The following OR11H4 variants were observed in gnomAD, a reference collection of about 807,000 sequenced individuals.
OR11H4 encodes olfactory receptor 11H4.
For missense variants in OR11H4, 460 were observed against 371.1 expected (o/e 1.24, Z -1.97); for synonymous variants, 162 against 142.3 (o/e 1.14, Z -0.98).
At chr14:20,242,567 C>CT (rs1266338791) in intron 1 of OR11H4, among the ~76,000 whole-genome samples, 1 of 150,654 alleles carries the variant, frequency 6.6e-6, no homozygotes, top group African/African-American at 2.5e-5. Context: ...TCTGATCTCT[C>CT]TTTTCCCTAC....
intron 1 of OR11H4, among the ~76,000 whole-genome samples, chr14:20,241,774 AGTAG>A (rs1394481486): frequency 1.3e-5 from 2 of 152,162 alleles, no homozygotes; most frequent in Non-Finnish European, 2.9e-5. Context: ...AAAGGAATGT[AGTAG>A]GAGAGCACGG....
intron 1 of OR11H4, among the ~76,000 whole-genome samples, chr14:20,242,575 T>C (rs956784627): frequency 2.0e-5 from 3 of 152,188 alleles, no homozygotes; most frequent in Non-Finnish European, 4.4e-5. Context: ...CTCTTTTCCC[T>C]ACAGTGTCAA....
chr14:20,243,558 T>C lies in OR11H4; in HGVS notation c.737T>C (p.Val246Ala), dbSNP rs765513225. The C allele has an allele frequency of 3.1e-6, 5 of 1,613,458 alleles. No homozygotes were observed. The South Asian group carries it at 5.5e-5, about 18-fold the overall frequency. ...TTCTCTACCTGTGGTTCTCATTTGG[T>C]TGTGGTATCTCTTTTCTATGGGACA... ...KAFSTCGSHLVVVSLFYGTVM... is the reference protein window; with the variant it reads ...KAFSTCGSHLAVVSLFYGTVM... The change falls in exon 2 of 2, where the codon GTT (valine) becomes GCT (alanine). Residue 246 changes from valine to alanine, a missense_variant. Val to Ala is a moderately conservative substitution (Grantham distance 64). Transcript: ENST00000641082.
Position 20,243,404 on chromosome 14 carries a change from A to G in OR11H4, c.583A>G (p.Thr195Ala). ...MALSCAPAPITECIFYTQSSL... is the reference protein window; with the variant it reads ...MALSCAPAPIAECIFYTQSSL... Reference sequence around the variant, plus strand: ...TCTATCCTGTGCCCCAGCTCCCATAACTGAATGTATTTTCTATACTCAGAG... The same window carrying G: ...TCTATCCTGTGCCCCAGCTCCCATAGCTGAATGTATTTTCTATACTCAGAG... The change falls in exon 2 of 2, where the codon ACT (threonine) becomes GCT (alanine). Residue 195 changes from threonine (T) to alanine (A), a missense_variant. Thr to Ala is a moderately conservative substitution (Grantham distance 58). Coordinates refer to ENST00000641082, the MANE Select transcript of OR11H4 (RefSeq NM_001004479.2). The G allele has an allele frequency of 1.2e-6, 2 of 1,613,904 alleles. No individual in the cohort carries two copies. The highest frequency in any genetic ancestry group is 2.2e-5 in the South Asian group (2 of 91,058).
chr14:20,243,599 G>A lies in OR11H4; in HGVS notation c.778G>A (p.Val260Ile). Residue 260 changes from valine (V) to isoleucine (I), a missense_variant, in exon 2 of 2, where the codon GTA (valine) becomes ATA (isoleucine). Physicochemically the swap from Val to Ile is conservative, Grantham distance 29. Coordinates refer to ENST00000641082, the MANE Select transcript of OR11H4 (RefSeq NM_001004479.2). ...LFYGTVMVMY[V>I]SPTYGIPTLL... ...CTATGGGACAGTCATGGTAATGTAT[G>A]TAAGTCCTACATATGGGATCCCAAC... 1 of 1,613,950 alleles carries A rather than the reference G, an allele frequency of 6.2e-7. No homozygotes were observed. Among genetic ancestry groups the A allele is most frequent in the Non-Finnish European group, 8.5e-7 (1 of 1,179,886 alleles).
At chr14:20,242,098 T>C (rs1028069938) in intron 1 of OR11H4, among the ~76,000 whole-genome samples, 44 of 151,960 alleles carry the variant, frequency 2.9e-4, no homozygotes, top group Admixed American at 5.3e-4. Context: ...TGCAAGAGGC[T>C]TTCCTCTTTT....
intron 1 of OR11H4, among the ~76,000 whole-genome samples, chr14:20,241,882 G>C (rs932740395): frequency 2.0e-5 from 3 of 152,100 alleles, no homozygotes; most frequent in Admixed American, 2.0e-4. Flanking sequence ...GGATGTGCAC[G>C]TAGGCCAGAT....
rs1370008002 is a variant in OR11H4, at chr14:20,242,631, C to T, written c.-11-180C>T. ...TGCATTGGATTCTAGCAAAATAACACAGAGAACCACAATCAATTCAAAATT... is the reference window on the plus strand; with the variant it reads ...TGCATTGGATTCTAGCAAAATAACATAGAGAACCACAATCAATTCAAAATT... On this transcript the variant is annotated intron_variant, in intron 1 of 1. Transcript: ENST00000641082. 12 of 655,338 alleles carry T rather than the reference C, an allele frequency of 1.8e-5. No homozygotes were observed. In the South Asian group the frequency reaches 2.2e-4, roughly 12 times the overall value. 40.6% of individuals were successfully genotyped at this position (655,338 alleles called of 1,614,324 possible).
intron 1 of OR11H4, among the ~76,000 whole-genome samples, chr14:20,241,628 T>G (rs1243009313): frequency 6.6e-6 from 1 of 152,080 alleles, no homozygotes; most frequent in African/African-American, 2.4e-5. Flanking sequence ...AGAAAAGAAA[T>G]AAGACACAGA....
In OR11H4 at chr14:20,244,011, AGAT is replaced by A; in HGVS notation, c.*247_*249del. The A allele has an allele frequency of 2.8e-6, 1 of 354,482 alleles. No homozygotes were observed. The highest frequency in any genetic ancestry group is 5.1e-6 in the Non-Finnish European group (1 of 196,778). The allele number at this position is 354,482 out of a possible 1,614,324, so 22.0% of individuals were successfully genotyped here. Reference sequence around the variant, plus strand: ...AATGATAAAATGGAATTTCTACATGAGATGCCCTCCTGCTGACATGCCCCATGG... The same window carrying A: ...AATGATAAAATGGAATTTCTACATGAGCCCTCCTGCTGACATGCCCCATGG... On this transcript the variant is annotated 3_prime_UTR_variant, in exon 2 of 2. Transcript: ENST00000641082.
In OR11H4 at chr14:20,244,062, C is replaced by T. The variant is rs1345041561; in HGVS notation, c.*296C>T. 2 of 238,050 alleles carry T rather than the reference C, an allele frequency of 8.4e-6. No homozygotes were observed. Among genetic ancestry groups the T allele is most frequent in the Non-Finnish European group, 1.6e-5 (2 of 123,558 alleles). 14.7% of individuals were successfully genotyped at this position (238,050 alleles called of 1,614,324 possible). On this transcript the variant is annotated 3_prime_UTR_variant, in exon 2 of 2. Transcript: ENST00000641082. The stretch of plus-strand genomic sequence containing the variant: ...TGGTTCATCATTGTATATCTTCTTC[C>T]TCATTGCAACAAGACAATAAACCCA...
At chr14:20,242,747 G>C in intron 1 of OR11H4, 64 bp from the exon 2 acceptor site, 18 of 1,560,382 alleles carry the variant, frequency 1.2e-5, no homozygotes, top group Non-Finnish European at 1.5e-5. Flanking sequence ...CTTGAGATAC[G>C]TAGCAAGCAA....
chr14:20,239,790 G>A (rs1262453383), intron 1 of OR11H4, among the ~76,000 whole-genome samples: 3 of 152,138 alleles, frequency 2.0e-5, no homozygotes, highest in Admixed American at 6.5e-5. Context: ...GTATGTTTGT[G>A]TCATAAAATA....
chr14:20,243,962 G>T lies in OR11H4; in HGVS notation c.*196G>T. The T allele has an allele frequency of 2.2e-6, 1 of 456,330 alleles. No individual in the cohort carries two copies. The highest frequency in any genetic ancestry group is 6.7e-5 in the South Asian group (1 of 15,032). 28.3% of individuals were successfully genotyped at this position (456,330 alleles called of 1,614,324 possible). On this transcript the variant is annotated 3_prime_UTR_variant, in exon 2 of 2. Transcript: ENST00000641082. ...ACTGGTCTTCAACATCCACTTAAAA[G>T]TTTTCAAAGCCTGTCTTTATTAGAA...
In OR11H4 at chr14:20,242,811, A is replaced by G. The variant is rs1346528940; in HGVS notation, c.-11A>G. On this transcript the variant is annotated splice_region_variant and 5_prime_UTR_variant, in exon 2 of 2. Transcript: ENST00000641082. ...ACACTCATGTCTTTCTTCTTTGTAG[A>G]CTTAAGACCCATGAACAGGTCAGCA... The G allele has an allele frequency of 1.2e-6, 2 of 1,613,140 alleles. No homozygotes were observed. Among genetic ancestry groups the G allele is most frequent in the Non-Finnish European group, 1.7e-6 (2 of 1,179,580 alleles).
In OR11H4 at chr14:20,242,891, C is replaced by T. The variant is rs769735814; in HGVS notation, c.70C>T (p.Gln24Ter). 1 of 1,614,112 alleles carries T rather than the reference C, an allele frequency of 6.2e-7. No individual in the cohort carries two copies. Among genetic ancestry groups the T allele is most frequent in the Admixed American group, 1.7e-5 (1 of 60,016 alleles). ...LLGFPGCWKIQIFLFSLFLVI... is the reference protein window; with the variant it reads ...LLGFPGCWKI Reference sequence around the variant, plus strand: ...GGGATTCCCTGGTTGCTGGAAGATTCAGATTTTCCTCTTCTCATTGTTTTT... The same window carrying T: ...GGGATTCCCTGGTTGCTGGAAGATTTAGATTTTCCTCTTCTCATTGTTTTT... The change falls in exon 2 of 2, where the codon CAG becomes TAG. Residue 24 changes from glutamine (Q) to a stop codon, truncating the protein, a stop_gained. Coordinates refer to ENST00000641082, the MANE Select transcript of OR11H4 (RefSeq NM_001004479.2). LOFTEE classifies it low-confidence loss of function (END_TRUNC).
rs763601774 is a variant in OR11H4, at chr14:20,243,719, G to T, written c.898G>T (p.Ala300Ser). 4 of 1,600,002 alleles carry T rather than the reference G, an allele frequency of 2.5e-6. No individual in the cohort carries two copies. In the Admixed American group the frequency reaches 5.3e-5, roughly 21 times the overall value. ...TCTTCGTAATAAGGACATGAAACTC[G>T]CTCTGAGAAATGTCCTGTTTGGAAT... The part of the protein sequence containing the change: ...YTLRNKDMKL[A>S]LRNVLFGMRI... Residue 300 changes from alanine to serine, a missense_variant, in exon 2 of 2, where the codon GCT (alanine) becomes TCT (serine). Coordinates refer to ENST00000641082, the MANE Select transcript of OR11H4 (RefSeq NM_001004479.2).
In OR11H4 at chr14:20,243,574, C is replaced by T; in HGVS notation, c.753C>T (p.Phe251=). ...CTCATTTGGTTGTGGTATCTCTTTT[C>T]TATGGGACAGTCATGGTAATGTATG... ...CGSHLVVVSL[F]YGTVMVMYVS... Residue 251 remains phenylalanine (F), a synonymous_variant, in exon 2 of 2, where the codon TTC becomes TTT. Coordinates refer to ENST00000641082, the MANE Select transcript of OR11H4 (RefSeq NM_001004479.2). 1 of 1,613,582 alleles carries T rather than the reference C, an allele frequency of 6.2e-7. No individual in the cohort carries two copies. The highest frequency in any genetic ancestry group is 8.5e-7 in the Non-Finnish European group (1 of 1,179,802).
chr14:20,242,118 CGT>C (rs1566371009), intron 1 of OR11H4, among the ~76,000 whole-genome samples: 26 of 151,954 alleles, frequency 1.7e-4, no homozygotes, highest in African/African-American at 6.0e-4. Flanking sequence ...TACTAATCCA[CGT>C]CAGCACAGAC....
Sources: allele counts gnomAD v4.1 joint callset (sites outside exome capture counted in the v4.1 genomes callset), GRCh38; gene constraint gnomAD v4.1.1; transcripts MANE v1.5; gene names NCBI Gene and HGNC (gene_info 2026-07-23, HGNC 2026-07-21).